The following HMGA2 variants were observed in gnomAD, a reference collection of about 807,000 sequenced individuals.
HMGA2 encodes high mobility group AT-hook 2, also known as high mobility group protein HMGI-C.
HMGA2 carries 8 observed loss-of-function variants against 19.1 expected under a neutral mutation model. The observed-to-expected ratio is 0.42, with a 90% confidence interval of 0.25 to 0.76. The LOEUF is 0.76. Among genes scored for constraint, HMGA2 ranks in the 30% least tolerant of loss-of-function variants. The pLI is 0.28. For synonymous variants in HMGA2, 60 were observed against 48.8 expected (o/e 1.23, Z -0.96); for missense variants, 109 against 136.3 (o/e 0.80, Z 1.00).
intron 3 of HMGA2, among the ~76,000 whole-genome samples, chr12:65,906,491 C>T (rs1021876713): frequency 6.6e-6 from 1 of 152,236 alleles, no homozygotes; most frequent in African/African-American, 2.4e-5. Flanking sequence ...GGCTCTGTAG[C>T]TTTAGAAGGA....
At chr12:65,880,397 T>A (rs954587486) in intron 3 of HMGA2, among the ~76,000 whole-genome samples, 1 of 152,238 alleles carries the variant, frequency 6.6e-6, no homozygotes, top group African/African-American at 2.4e-5. Context: ...ATGAAACACG[T>A]GTTGCCCTTT....
intron 3 of HMGA2, chr12:65,860,235 G>T (rs761618090): frequency 5.2e-5 from 12 of 230,490 alleles, no homozygotes; most frequent in Non-Finnish European, 1.9e-5. Flanking sequence ...CATTAAATAT[G>T]CTCGGAACAC....
intron 3 of HMGA2, chr12:65,882,171 T>C (rs1873446943): frequency 2.6e-6 from 1 of 382,254 alleles, no homozygotes; most frequent in Admixed American, 3.6e-5. Context: ...CGGGCTGGCC[T>C]TTCTGCTGCT....
chr12:65,831,455 T>TA (rs201721319), intron 2 of HMGA2, among the ~76,000 whole-genome samples: 66 of 147,382 alleles, frequency 4.5e-4, no homozygotes, highest in Admixed American at 1.0e-3. Context: ...AAAATGAAAA[T>TA]AAAAAAAAAA....
At chr12:65,929,571 C>G (rs181714198) in intron 3 of HMGA2, among the ~76,000 whole-genome samples, 1 of 151,580 alleles carries the variant, frequency 6.6e-6, no homozygotes. Flanking sequence ...TATCCCTAAA[C>G]CCCGAATCCC....
chr12:65,927,069 A>G (rs1024178142), intron 3 of HMGA2, among the ~76,000 whole-genome samples: 1 of 152,138 alleles, frequency 6.6e-6, no homozygotes, highest in Non-Finnish European at 1.5e-5. Flanking sequence ...GCAGTGTTTC[A>G]TGGCCTTCTT....
intron 3 of HMGA2, among the ~76,000 whole-genome samples, chr12:65,917,831 G>A (rs1483479784): frequency 1.3e-5 from 2 of 152,154 alleles, no homozygotes; most frequent in East Asian, 3.9e-4. Flanking sequence ...AAGTTTCTTA[G>A]TAAAGACAAG....
intron 3 of HMGA2, among the ~76,000 whole-genome samples, chr12:65,943,511 A>G (rs1185075579): frequency 6.6e-6 from 1 of 152,236 alleles, no homozygotes; most frequent in Non-Finnish European, 1.5e-5. Flanking sequence ...CAAGGCCAGC[A>G]GCAGTGAGGG....
In HMGA2 at chr12:65,901,906, A is replaced by C. The variant is rs181351544; in HGVS notation, c.250-49477A>C. ...CACACACACAAACCTAAGAAACACGATCTCCACCAACTTAATATTCTGAAG... is the reference window on the plus strand; with the variant it reads ...CACACACACAAACCTAAGAAACACGCTCTCCACCAACTTAATATTCTGAAG... On this transcript the variant is annotated intron_variant, in intron 3 of 4. Coordinates refer to ENST00000403681, the MANE Select transcript of HMGA2 (RefSeq NM_003483.6). 2.5e-4 allele frequency among the ~76,000 whole-genome samples: 38 copies of C among 152,296 alleles called. No individual in the cohort carries two copies. The East Asian group carries it at 2.7e-3, about 11-fold the overall frequency.
chr12:65,921,251 C>T (rs951881662), intron 3 of HMGA2, among the ~76,000 whole-genome samples: 2 of 152,024 alleles, frequency 1.3e-5, no homozygotes, highest in African/African-American at 4.8e-5. Flanking sequence ...TAAAGGCATT[C>T]AGTTTTTGTT....
At chr12:65,917,726 A>C (rs1341553066) in intron 3 of HMGA2, among the ~76,000 whole-genome samples, 1 of 152,170 alleles carries the variant, frequency 6.6e-6, no homozygotes, top group Non-Finnish European at 1.5e-5. Context: ...TGGAGTGTGC[A>C]GTTGTGGAGC....
chr12:65,874,994 C>T (rs138493528), intron 3 of HMGA2, among the ~76,000 whole-genome samples: 247 of 152,182 alleles, frequency 1.6e-3, no homozygotes, highest in Middle Eastern at 6.8e-3. Context: ...AAAGGTTCCC[C>T]GCCCCCCCAG....
At chr12:65,925,959 G>T (rs559752839) in intron 3 of HMGA2, among the ~76,000 whole-genome samples, 1 of 152,254 alleles carries the variant, frequency 6.6e-6, no homozygotes, top group South Asian at 2.1e-4. Flanking sequence ...TTGAGAGGGG[G>T]TATATTATGC....
intron 3 of HMGA2, among the ~76,000 whole-genome samples, chr12:65,924,126 G>A (rs368801185): frequency 7.2e-5 from 11 of 152,260 alleles, no homozygotes; most frequent in Admixed American, 5.9e-4. Context: ...ATTCCTCTTA[G>A]GGTAGGGAAG....
At chr12:65,922,510 C>G (rs1219002268) in intron 3 of HMGA2, among the ~76,000 whole-genome samples, 2 of 152,152 alleles carry the variant, frequency 1.3e-5, no homozygotes, top group African/African-American at 2.4e-5. Context: ...ACCTGTACCC[C>G]CATTGTATCT....
At chr12:65,914,817 G>A in intron 3 of HMGA2, 1 of 425,060 alleles carries the variant, frequency 2.4e-6, no homozygotes, top group Non-Finnish European at 4.5e-6. Flanking sequence ...TGGGATTACA[G>A]GCACCCACCA....
At chr12:65,920,438 C>T (rs949839129) in intron 3 of HMGA2, among the ~76,000 whole-genome samples, 3 of 152,040 alleles carry the variant, frequency 2.0e-5, no homozygotes, top group Non-Finnish European at 4.4e-5. Context: ...GTTTAGAATG[C>T]GTATTTTAGG....
At chr12:65,874,860 A>G (rs1872898812) in intron 3 of HMGA2, among the ~76,000 whole-genome samples, 1 of 152,204 alleles carries the variant, frequency 6.6e-6, no homozygotes. Flanking sequence ...TCCATCTCAG[A>G]AAAAGAGAGT....
intron 4 of HMGA2, chr12:65,953,987 T>C (rs1232503065): frequency 6.6e-6 from 1 of 152,180 alleles, no homozygotes; most frequent in African/African-American, 2.4e-5. Context: ...GCTTTTGAGG[T>C]GGTAAAAATT....
Sources: allele counts gnomAD v4.1 joint callset (sites outside exome capture counted in the v4.1 genomes callset), GRCh38; gene constraint gnomAD v4.1.1; transcripts MANE v1.5; gene names NCBI Gene and HGNC (gene_info 2026-07-23, HGNC 2026-07-21).